Variants in ATXN1 observed in about 807,000 individuals in gnomAD.
ATXN1 encodes the protein ataxin-1.
In ATXN1, 8 loss-of-function variants were observed where a neutral mutation model predicts 56.4. That is an observed-to-expected ratio of 0.14 (90% confidence interval 0.08 to 0.26). ATXN1 has a LOEUF of 0.26. Ranked by LOEUF, ATXN1 falls within the 10% of genes least tolerant of loss-of-function variation. ATXN1 has a pLI of 1.00. For missense variants in ATXN1, 987 were observed against 1,106.5 expected, an observed-to-expected ratio of 0.89 and a Z score of 1.53; for synonymous variants, 514 against 494.6, an observed-to-expected ratio of 1.04 and a Z score of -0.52.
intron 6 of ATXN1, among the ~76,000 whole-genome samples, chr6:16,455,463 C>A (rs945308365): frequency 2.0e-5 from 3 of 152,160 alleles, no homozygotes; most frequent in South Asian, 2.1e-4. Flanking sequence ...CAAGTCATTG[C>A]GGGTGGGAAT....
intron 5 of ATXN1, among the ~76,000 whole-genome samples, chr6:16,511,870 C>T (rs910454827): frequency 6.6e-6 from 1 of 152,226 alleles, no homozygotes; most frequent in Admixed American, 6.5e-5. Context: ...GATTGATGGT[C>T]AGTCCCAGGC....
At chr6:16,438,345 G>C (rs1040361117) in intron 6 of ATXN1, among the ~76,000 whole-genome samples, 4 of 152,164 alleles carry the variant, frequency 2.6e-5, no homozygotes, top group African/African-American at 9.6e-5. Flanking sequence ...AATGGACTCT[G>C]TTGACTTTTT....
chr6:16,370,656 T>G (rs1190325985), intron 6 of ATXN1, among the ~76,000 whole-genome samples: 1 of 152,226 alleles, frequency 6.6e-6, no homozygotes, highest in Non-Finnish European at 1.5e-5. Context: ...TTGGCATATA[T>G]ATATAATTTT....
intron 2 of ATXN1, among the ~76,000 whole-genome samples, chr6:16,685,775 A>G (rs1474880116): frequency 6.6e-6 from 1 of 152,202 alleles, no homozygotes; most frequent in Non-Finnish European, 1.5e-5. Flanking sequence ...AATGTTCTCT[A>G]AGCATTATCA....
intron 6 of ATXN1, among the ~76,000 whole-genome samples, chr6:16,347,385 T>TA (rs946218386): frequency 2.5e-4 from 38 of 152,378 alleles, no homozygotes; most frequent in African/African-American, 8.4e-4. Flanking sequence ...GCTCAAGGTT[T>TA]GTAAACACAC....
chr6:16,385,804 G>C (rs1408524400), intron 6 of ATXN1, among the ~76,000 whole-genome samples: 1 of 152,156 alleles, frequency 6.6e-6, no homozygotes, highest in East Asian at 1.9e-4. Context: ...CTTTGCCTTT[G>C]TGAAAGAAGA....
intron 6 of ATXN1, among the ~76,000 whole-genome samples, chr6:16,451,532 G>T (rs1312779943): frequency 6.6e-6 from 1 of 152,178 alleles, no homozygotes; most frequent in Non-Finnish European, 1.5e-5. Context: ...AAGGCCGGCA[G>T]ATCACCTGAG....
chr6:16,533,884 C>T (rs1761549193), intron 4 of ATXN1, among the ~76,000 whole-genome samples: 1 of 152,138 alleles, frequency 6.6e-6, no homozygotes, highest in Admixed American at 6.5e-5. Context: ...TTGCATAGCA[C>T]TATTCCCTGG....
chr6:16,530,527 G>A (rs775687818), intron 4 of ATXN1, among the ~76,000 whole-genome samples: 66 of 152,166 alleles, frequency 4.3e-4, no homozygotes, highest in Admixed American at 2.0e-3. Flanking sequence ...ATCCATTGTC[G>A]GAATCTTATT....
At chr6:16,739,941 G>C (rs1443418131) in intron 2 of ATXN1, 3 of 453,372 alleles carry the variant, frequency 6.6e-6, no homozygotes, top group Non-Finnish European at 1.3e-5. Context: ...AACATTCTTA[G>C]CTACTCCATC....
intron 6 of ATXN1, among the ~76,000 whole-genome samples, chr6:16,453,189 T>C (rs201834749): frequency 1.9e-5 from 1 of 53,090 alleles, no homozygotes; most frequent in Non-Finnish European, 4.7e-5. Context: ...AGTCTCATCA[T>C]TGATAGAGGG....
chr6:16,669,362 T>C (rs530627183), intron 2 of ATXN1, among the ~76,000 whole-genome samples: 1 of 152,344 alleles, frequency 6.6e-6, no homozygotes, highest in East Asian at 1.9e-4. Flanking sequence ...TTACCCTTTT[T>C]TGTATACATC....
chr6:16,399,727 A>G (rs1375912887), intron 6 of ATXN1, among the ~76,000 whole-genome samples: 1 of 152,180 alleles, frequency 6.6e-6, no homozygotes, highest in Non-Finnish European at 1.5e-5. Flanking sequence ...TCCAGCGCAT[A>G]GAGGCCAGGA....
At chr6:16,653,650 A>G (rs941721254) in intron 3 of ATXN1, among the ~76,000 whole-genome samples, 3 of 152,214 alleles carry the variant, frequency 2.0e-5, no homozygotes, top group African/African-American at 7.2e-5. Context: ...TACCACCAAC[A>G]GAGTTAGTGA....
At chr6:16,626,070 A>T (rs1192136859) in intron 3 of ATXN1, among the ~76,000 whole-genome samples, 1 of 152,154 alleles carries the variant, frequency 6.6e-6, no homozygotes, top group African/African-American at 2.4e-5. Flanking sequence ...GCAACCTGAA[A>T]AAAAGGAAGG....
chr6:16,543,517 C>T (rs978448482), intron 4 of ATXN1, among the ~76,000 whole-genome samples: 1 of 150,760 alleles, frequency 6.6e-6, no homozygotes, highest in Non-Finnish European at 1.5e-5. Context: ...AAAGAATGAT[C>T]AATTACATGT....
chr6:16,644,816 G>T (rs950670259), intron 3 of ATXN1, among the ~76,000 whole-genome samples: 3 of 152,090 alleles, frequency 2.0e-5, no homozygotes, highest in Admixed American at 2.0e-4. Context: ...GAGCACAGCT[G>T]CAGGTGAGCA....
chr6:16,385,641 CT>C (rs1180129520), intron 6 of ATXN1, among the ~76,000 whole-genome samples: 1 of 152,230 alleles, frequency 6.6e-6, no homozygotes, highest in Non-Finnish European at 1.5e-5. Flanking sequence ...AGTTTAAAAT[CT>C]CTAACTTGAC....
At chr6:16,692,290 T>A (rs533177281) in intron 2 of ATXN1, among the ~76,000 whole-genome samples, 1 of 152,322 alleles carries the variant, frequency 6.6e-6, no homozygotes, top group South Asian at 2.1e-4. Context: ...TTTGTAACCA[T>A]TGAAGTAAAC....
Sources: gnomAD v4.1 joint callset for allele counts (sites outside exome capture counted in the v4.1 genomes callset) on GRCh38, gnomAD v4.1.1 for gene constraint, MANE v1.5 for transcripts, NCBI Gene and HGNC (gene_info 2026-07-23, HGNC 2026-07-21) for gene names.